Variants in ROR2 observed in about 807,000 individuals in gnomAD.
The protein encoded by ROR2 is tyrosine-protein kinase transmembrane receptor ROR2.
ROR2 carries 33 observed loss-of-function variants against 74.9 expected under a neutral mutation model. The observed-to-expected ratio is 0.44, with a 90% CI of 0.33 to 0.59. ROR2 has a LOEUF of 0.59. Among genes scored for constraint, ROR2 ranks in the 20% least tolerant of loss-of-function variants. The pLI is 0.02. For synonymous variants in ROR2, 586 were observed against 558.7 expected, an observed-to-expected ratio of 1.05 and a Z score of -0.69; for missense variants, 1,216 against 1,313.8, an observed-to-expected ratio of 0.93 and a Z score of 1.15.
chr9:91,797,190 G>T (rs1827210022), intron 1 of ROR2, among the ~76,000 whole-genome samples: 1 of 59,682 alleles, frequency 1.7e-5, no homozygotes, highest in Non-Finnish European at 3.3e-5. Context: ...TGACACCCTG[G>T]GCTAGTGGGT....
intron 1 of ROR2, among the ~76,000 whole-genome samples, chr9:91,942,744 G>C (rs1478649221): frequency 6.6e-6 from 1 of 152,110 alleles, no homozygotes; most frequent in Non-Finnish European, 1.5e-5. Context: ...TACAATAAAA[G>C]GTCATGTGAA....
chr9:91,912,531 A>G (rs1831021997), intron 1 of ROR2, among the ~76,000 whole-genome samples: 1 of 152,178 alleles, frequency 6.6e-6, no homozygotes, highest in Non-Finnish European at 1.5e-5. Context: ...TATTAAAAAT[A>G]AAATTATTTC....
chr9:91,801,582 G>A (rs1248594046), intron 1 of ROR2, among the ~76,000 whole-genome samples: 1 of 152,132 alleles, frequency 6.6e-6, no homozygotes, highest in African/African-American at 2.4e-5. Flanking sequence ...CACCCCCCTT[G>A]GCCTCCCAAA....
intron 1 of ROR2, among the ~76,000 whole-genome samples, chr9:91,940,764 G>A (rs1385605576): frequency 6.6e-6 from 1 of 151,418 alleles, no homozygotes; most frequent in Non-Finnish European, 1.5e-5. Flanking sequence ...CCCACCCCCG[G>A]CTAATTTTTG....
intron 1 of ROR2, among the ~76,000 whole-genome samples, chr9:91,815,098 T>C (rs1193575661): frequency 6.6e-6 from 1 of 152,194 alleles, no homozygotes; most frequent in Non-Finnish European, 1.5e-5. Context: ...GTAATACAAG[T>C]AATTTAATTC....
intron 1 of ROR2, among the ~76,000 whole-genome samples, chr9:91,832,268 C>T (rs1172768549): frequency 7.0e-6 from 1 of 142,706 alleles, no homozygotes; most frequent in Admixed American, 7.7e-5. Flanking sequence ...TGACTAGCGA[C>T]AGAAGAAATA....
chr9:91,861,505 GA>G (rs1210005174), intron 1 of ROR2, among the ~76,000 whole-genome samples: 2 of 152,168 alleles, frequency 1.3e-5, no homozygotes, highest in Admixed American at 1.3e-4. Context: ...CAATGCCAGA[GA>G]AAGAATAGTC....
In ROR2 at chr9:91,905,614, T is replaced by C. The variant is rs115078124; in HGVS notation, c.97+44253A>G. Among the ~76,000 whole-genome samples, 2,015 of 151,098 alleles carry C rather than the reference T, an allele frequency of 0.013. 59 individuals are homozygous for C. The highest frequency in any genetic ancestry group is 0.046 in the African/African-American group (1,877 of 41,070). On this transcript the variant is annotated intron_variant, in intron 1 of 8. Coordinates refer to ENST00000375708, the MANE Select transcript of ROR2 (RefSeq NM_004560.4). This position sits in a 1 kb window ranked among gnomAD's most constrained non-coding sequence, Gnocchi z 5.3. ...TCACACATGCCACACACAACACATATACAGATGCCCCCAACACACATAAAC... is the reference window on the plus strand; with the variant it reads ...TCACACATGCCACACACAACACATACACAGATGCCCCCAACACACATAAAC...
chr9:91,752,569 G>A (rs1825625493), intron 4 of ROR2, among the ~76,000 whole-genome samples: 1 of 152,206 alleles, frequency 6.6e-6, no homozygotes, highest in Non-Finnish European at 1.5e-5. Flanking sequence ...GTGGGTGCCT[G>A]GGGTAGAAGG....
Position 91,723,640 on chromosome 9 carries a change from G to C in ROR2, c.*22C>G, listed in dbSNP as rs758447257. 6.2e-7 allele frequency: 1 copy of C among 1,611,008 alleles called. No individual in the cohort carries two copies. Among genetic ancestry groups the C allele is most frequent in the Non-Finnish European group, 8.5e-7 (1 of 1,179,020 alleles). On this transcript the variant is annotated 3_prime_UTR_variant, in exon 9 of 9. Coordinates refer to ENST00000375708, the MANE Select transcript of ROR2 (RefSeq NM_004560.4). ...GGGTCTCGGCGGGGCTTCTATCCCC[G>C]AACCCCGGGCCCTGGTGCCACTCAA... is the stretch of plus-strand genomic sequence containing the variant.
At chr9:91,768,072 C>T (rs1826115403) in intron 2 of ROR2, among the ~76,000 whole-genome samples, 1 of 152,086 alleles carries the variant, frequency 6.6e-6, no homozygotes, top group South Asian at 2.1e-4. Context: ...GGAGTGATGC[C>T]GCCACAGCCA....
chr9:91,926,373 A>C (rs1222716126), intron 1 of ROR2, among the ~76,000 whole-genome samples: 2 of 135,440 alleles, frequency 1.5e-5, no homozygotes, highest in Admixed American at 8.0e-5. Context: ...ACAGAGCAAG[A>C]CTCCGTCTCA....
intron 1 of ROR2, among the ~76,000 whole-genome samples, chr9:91,803,173 C>T (rs1009157753): frequency 6.6e-6 from 1 of 152,118 alleles, no homozygotes; most frequent in African/African-American, 2.4e-5. Flanking sequence ...GCCCTCAGGT[C>T]GGATGAAGAG....
chr9:91,822,832 G>A (rs1476633364), intron 1 of ROR2, among the ~76,000 whole-genome samples: 1 of 152,130 alleles, frequency 6.6e-6, no homozygotes, highest in South Asian at 2.1e-4. Flanking sequence ...TGACCCCTAC[G>A]TGTGATGCAG....
At chr9:91,839,846 T>C (rs1828730850) in intron 1 of ROR2, among the ~76,000 whole-genome samples, 1 of 151,628 alleles carries the variant, frequency 6.6e-6, no homozygotes, top group African/African-American at 2.4e-5. Flanking sequence ...CTCCTGAGGG[T>C]GATCTGTTTA....
At position 91,725,103 on chromosome 9, in the gene ROR2, T is replaced by C. The variant is rs370381490; in HGVS notation, c.1391A>G (p.Lys464Arg). The part of the protein sequence containing the change: ...MPLINQHKQA[K>R]LKEISLSAVR... ...CGCAGACAGGCTGATCTCTTTGAGT[T>C]TGGCCTGTCAAGAAGAAAAGCCCCA... is the stretch of plus-strand genomic sequence containing the variant. Residue 464 changes from lysine to arginine, a missense_variant, in exon 9 of 9, where the codon AAA (lysine) becomes AGA (arginine). Coordinates refer to ENST00000375708, the MANE Select transcript of ROR2 (RefSeq NM_004560.4). The C allele has an allele frequency of 2.5e-6, 4 of 1,613,626 alleles. No individual in the cohort carries two copies. Among genetic ancestry groups the C allele is most frequent in the Non-Finnish European group, 3.4e-6 (4 of 1,180,030 alleles).
chr9:91,818,360 CTT>C (rs2119134374), intron 1 of ROR2, among the ~76,000 whole-genome samples: 1 of 152,258 alleles, frequency 6.6e-6, no homozygotes, highest in African/African-American at 2.4e-5. Flanking sequence ...AACCACGTAT[CTT>C]TTGCAATATC....
At chr9:91,850,973 C>T (rs1322167401) in intron 1 of ROR2, among the ~76,000 whole-genome samples, 1 of 152,128 alleles carries the variant, frequency 6.6e-6, no homozygotes, top group Admixed American at 6.5e-5. Context: ...CCCAAAGGCA[C>T]ACTCAATTGT....
chr9:91,756,261 C>A (rs1268961204), intron 3 of ROR2, among the ~76,000 whole-genome samples, 160 bp from the exon 4 acceptor site: 1 of 152,238 alleles, frequency 6.6e-6, no homozygotes, highest in African/African-American at 2.4e-5. Flanking sequence ...GTCAGCAAGG[C>A]TGGAAACCAC....
Sources: gnomAD v4.1 joint callset for allele counts (sites outside exome capture counted in the v4.1 genomes callset) on GRCh38, gnomAD v4.1.1 for gene constraint, Gnocchi (gnomAD v3.1) non-coding constraint, MANE v1.5 for transcripts, NCBI Gene and HGNC (gene_info 2026-07-23, HGNC 2026-07-21) for gene names.